TMEM135: variants seen among roughly 807,000 people sequenced by gnomAD.
TMEM135 encodes transmembrane protein 135.
Under a neutral mutation model 60.3 loss-of-function variants are expected in TMEM135, and 30 were observed. The ratio of observed to expected loss-of-function variants is 0.50; its 90% confidence interval spans 0.37 to 0.68. TMEM135 has a LOEUF of 0.68. Ranked by LOEUF, TMEM135 falls within the 30% of genes least tolerant of loss-of-function variation. The pLI is 0.00. For missense variants in TMEM135, 468 were observed against 548.8 expected (o/e 0.85, Z 1.47); for synonymous variants, 190 against 186.7 (o/e 1.02, Z -0.14).
chr11:87,226,565 T>C (rs1940768213), intron 5 of TMEM135, among the ~76,000 whole-genome samples: 1 of 152,220 alleles, frequency 6.6e-6, no homozygotes, highest in African/African-American at 2.4e-5. Flanking sequence ...TTGAAAACTT[T>C]ACTTTAAATT....
intron 2 of TMEM135, 25 bp from the exon 3 acceptor site, chr11:87,071,498 C>T (rs1264843530): frequency 5.7e-6 from 9 of 1,591,318 alleles, no homozygotes; most frequent in Non-Finnish European, 7.8e-6. Context: ...GAATTTCATA[C>T]AAAAATTCCA....
chr11:87,151,780 A>C (rs541893328), intron 4 of TMEM135, among the ~76,000 whole-genome samples: 115 of 152,148 alleles, frequency 7.6e-4, no homozygotes, highest in African/African-American at 2.6e-3. Context: ...GCAGAGTTCC[A>C]CTGCTTTTGG....
At chr11:87,109,518 A>G (rs550167971) in intron 4 of TMEM135, among the ~76,000 whole-genome samples, 93 of 152,332 alleles carry the variant, frequency 6.1e-4, no homozygotes, top group African/African-American at 2.1e-3. Flanking sequence ...AATTGCCAGC[A>G]TGAGGAGATG....
At chr11:87,275,877 G>A (rs1418366769) in intron 6 of TMEM135, among the ~76,000 whole-genome samples, 2 of 151,948 alleles carry the variant, frequency 1.3e-5, no homozygotes, top group Admixed American at 1.3e-4. Flanking sequence ...GGCCAGGCTG[G>A]TCTTGAACTC....
intron 5 of TMEM135, among the ~76,000 whole-genome samples, chr11:87,200,951 T>G (rs138283105): frequency 6.6e-6 from 1 of 152,368 alleles, no homozygotes; most frequent in Admixed American, 6.5e-5. Context: ...CATTCTTCCA[T>G]GTCTTATCTT....
At chr11:87,317,255 A>G (rs1429620840) in intron 12 of TMEM135, among the ~76,000 whole-genome samples, 1 of 152,072 alleles carries the variant, frequency 6.6e-6, no homozygotes, top group African/African-American at 2.4e-5. Flanking sequence ...TAGCTGTTTC[A>G]CTTAACATTT....
Position 87,302,456 on chromosome 11 carries a change from C to T in TMEM135, c.698+14C>T, listed in dbSNP as rs368359899. 3.7e-6 allele frequency: 6 copies of T among 1,613,518 alleles called. No individual in the cohort carries two copies. Among genetic ancestry groups the T allele is most frequent in the Non-Finnish European group, 5.1e-6 (6 of 1,179,762 alleles). On this transcript the variant is annotated intron_variant, in intron 8 of 14. Transcript: ENST00000305494. ...TGTGGATTCAATGTGAGCTCTTTAT[C>T]TTGATATTTTAACCTGCTTTGTCAC...
chr11:87,278,215 A>G (rs1469971052), intron 6 of TMEM135, among the ~76,000 whole-genome samples: 10 of 152,166 alleles, frequency 6.6e-5, no homozygotes. Context: ...TGCACAAATG[A>G]TATCTTTTCC....
At chr11:87,180,099 G>A (rs994087741) in intron 5 of TMEM135, among the ~76,000 whole-genome samples, 10 of 152,030 alleles carry the variant, frequency 6.6e-5, no homozygotes, top group African/African-American at 2.2e-4. Flanking sequence ...GCCCCTGTGC[G>A]AAGGAGTCTG....
At chr11:87,269,148 T>G (rs1941810737) in intron 6 of TMEM135, among the ~76,000 whole-genome samples, 1 of 151,506 alleles carries the variant, frequency 6.6e-6, no homozygotes, top group Non-Finnish European at 1.5e-5. Context: ...TTTATTATAG[T>G]CTTTTAATTA....
At chr11:87,247,949 G>A (rs551844) in intron 6 of TMEM135, among the ~76,000 whole-genome samples, 18,011 of 151,136 alleles carry the variant, frequency 0.12, 1,256 homozygotes, top group African/African-American at 0.19. Context: ...CTTCTGCGTC[G>A]CTCACACTGG....
At chr11:87,301,588 G>A (rs554848210) in intron 7 of TMEM135, among the ~76,000 whole-genome samples, 13 of 152,028 alleles carry the variant, frequency 8.6e-5, no homozygotes, top group African/African-American at 1.4e-4. Flanking sequence ...TATTGATCCC[G>A]TTCTATCTGT....
At chr11:87,080,781 G>A (rs1392665749) in intron 3 of TMEM135, among the ~76,000 whole-genome samples, 1 of 152,102 alleles carries the variant, frequency 6.6e-6, no homozygotes, top group Non-Finnish European at 1.5e-5. Context: ...CCACCCACCG[G>A]GTTCAAGCAA....
At chr11:87,116,617 A>T (rs1565447687) in intron 4 of TMEM135, among the ~76,000 whole-genome samples, 1 of 101,804 alleles carries the variant, frequency 9.8e-6, no homozygotes, top group African/African-American at 3.4e-5. Flanking sequence ...ATGTACAAAC[A>T]CACACACACA....
chr11:87,226,696 ATAT>A (rs1444751241), intron 5 of TMEM135, among the ~76,000 whole-genome samples: 2 of 152,196 alleles, frequency 1.3e-5, no homozygotes, highest in East Asian at 3.8e-4. Flanking sequence ...TACAAATGGA[ATAT>A]TTAAAGGTTA....
intron 4 of TMEM135, among the ~76,000 whole-genome samples, chr11:87,143,957 A>G (rs1938334855): frequency 6.6e-6 from 1 of 152,144 alleles, no homozygotes; most frequent in African/African-American, 2.4e-5. Context: ...TTCTGCTCGC[A>G]TTTTGTTGTT....
At chr11:87,261,235 C>A (rs1212302206) in intron 6 of TMEM135, among the ~76,000 whole-genome samples, 1 of 152,138 alleles carries the variant, frequency 6.6e-6, no homozygotes, top group African/African-American at 2.4e-5. Flanking sequence ...CTCCCTCTTC[C>A]TTTCTTCTCA....
At chr11:87,132,854 A>G (rs1937976104) in intron 4 of TMEM135, among the ~76,000 whole-genome samples, 1 of 152,178 alleles carries the variant, frequency 6.6e-6, no homozygotes, top group Non-Finnish European at 1.5e-5. Flanking sequence ...AACCTATGAT[A>G]AAGTTTATCT....
chr11:87,324,114 C>T lies in TMEM135; in HGVS notation c.*2781C>T, dbSNP rs945332550. 1.3e-5 allele frequency: 6 copies of T among 453,888 alleles called. No homozygotes were observed. The highest frequency in any genetic ancestry group is 2.0e-5 in the African/African-American group (1 of 49,954). 28.1% of individuals were successfully genotyped at this position (453,888 alleles called of 1,614,324 possible). On this transcript the variant is annotated 3_prime_UTR_variant, in exon 15 of 15. Coordinates refer to ENST00000305494, the MANE Select transcript of TMEM135 (RefSeq NM_022918.4). ...TATTTTCTTGTTGTGCTCGAGTGTT[C>T]GTCTCCTTGTAGATTGTATCTAGGC...
Sources: gnomAD v4.1 joint callset for allele counts (sites outside exome capture counted in the v4.1 genomes callset) on GRCh38, gnomAD v4.1.1 for gene constraint, MANE v1.5 for transcripts, NCBI Gene and HGNC (gene_info 2026-07-23, HGNC 2026-07-21) for gene names.